RPL26L1: variants seen among roughly 807,000 people sequenced by gnomAD.
RPL26L1 encodes ribosomal protein L26 like 1, also known as ribosomal protein uL24-like.
Under a neutral mutation model 15.2 loss-of-function variants are expected in RPL26L1, and 8 were observed. That is an observed-to-expected ratio of 0.53 (90% CI 0.31 to 0.95). RPL26L1 has a LOEUF of 0.95. Ranked by LOEUF, RPL26L1 falls within the 40% of genes least tolerant of loss-of-function variation. The pLI, the probability that RPL26L1 is intolerant of heterozygous loss-of-function variation, is 0.05. For synonymous variants in RPL26L1, 51 were observed against 65.9 expected, an observed-to-expected ratio of 0.77 and a Z score of 1.09; for missense variants, 146 against 190.9, an observed-to-expected ratio of 0.76 and a Z score of 1.39.
intron 2 of RPL26L1, among the ~76,000 whole-genome samples, chr5:172,966,298 C>T (rs1755446829): frequency 7.0e-6 from 1 of 143,880 alleles, no homozygotes; most frequent in Non-Finnish European, 1.5e-5. Flanking sequence ...CGCATGCCAC[C>T]ATGTCTGGCT....
At chr5:172,954,488 G>T (rs1316016389), upstream of RPL26L1, among the ~76,000 whole-genome samples, 7 of 151,600 alleles carry the variant, frequency 4.6e-5, 1 homozygote, top group East Asian at 1.2e-3. Flanking sequence ...GGCGGCGGGG[G>T]GGAAGTGGGG....
upstream of RPL26L1, chr5:172,957,666 G>C (rs1032575751): frequency 5.0e-5 from 11 of 219,246 alleles, no homozygotes; most frequent in Non-Finnish European, 8.4e-5. Context: ...TTGGGGCAGG[G>C]CATGGGTTTG....
At position 172,968,803 on chromosome 5, in the gene RPL26L1, C is replaced by CTTTTTTTTTTTTTTTT. The variant is rs539398008; in HGVS notation, c.309+212_309+227dup. 5.4e-5 allele frequency among the ~76,000 whole-genome samples: 4 copies of CTTTTTTTTTTTTTTTT among 74,366 alleles called. 1 individual carries two copies. The highest frequency in any genetic ancestry group is 9.1e-5 in the Non-Finnish European group (4 of 44,044). 48.8% of individuals were successfully genotyped at this position (74,366 alleles called of 152,430 possible). On this transcript the variant is annotated intron_variant, in intron 3 of 3. Coordinates refer to ENST00000265100, the MANE Select transcript of RPL26L1 (RefSeq NM_016093.4). ...TTGCCTTTCTTGGTGATGGCTGTGT[C>CTTTTTTTTTTTTTTTT]TTTTTTTTTTTTTTTTTTTTTTTGA...
intron 2 of RPL26L1, among the ~76,000 whole-genome samples, chr5:172,966,313 A>ATTTTTTTTTTTTTTTT (rs386405707): frequency 6.3e-5 from 4 of 63,664 alleles, no homozygotes; most frequent in Non-Finnish European, 8.1e-5. Flanking sequence ...CTGGCTAACT[A>ATTTTTTTTTTTTTTTT]TTTTTTTTTT....
intron 2 of RPL26L1, among the ~76,000 whole-genome samples, chr5:172,963,373 CAAAA>C (rs56687905): frequency 2.1e-5 from 3 of 140,200 alleles, no homozygotes; most frequent in Non-Finnish European, 1.5e-5. Flanking sequence ...AACTCGGTCT[CAAAA>C]AAAAAAAAAA....
chr5:172,955,114 T>C (rs1234788955), upstream of RPL26L1: 6 of 392,342 alleles, frequency 1.5e-5, no homozygotes, highest in Middle Eastern at 6.9e-4. Flanking sequence ...AGTTCATAAA[T>C]AGTAGCTGTG....
chr5:172,967,161 A>G lies in RPL26L1; in HGVS notation c.169-1298A>G, dbSNP rs569184962. Among the ~76,000 whole-genome samples the G allele has an allele frequency of 4.8e-5, 7 of 145,968 alleles. No individual in the cohort carries two copies. The South Asian group carries it at 1.0e-3, about 21-fold the overall frequency. On this transcript the variant is annotated intron_variant, in intron 2 of 3. Transcript: ENST00000265100. ...GAACCACCGTGCCCGGCCCCCATGC[A>G]TGGTGTTTAATAAGCTCTTGTGGCT...
At chr5:172,965,628 G>T (rs1420052392) in intron 2 of RPL26L1, among the ~76,000 whole-genome samples, 1 of 152,206 alleles carries the variant, frequency 6.6e-6, no homozygotes, top group Non-Finnish European at 1.5e-5. Flanking sequence ...CAGTCCCACA[G>T]AATTTGACAT....
At chr5:172,959,748 C>G in intron 1 of RPL26L1, 117 bp from the exon 2 acceptor site, 2 of 1,269,302 alleles carry the variant, frequency 1.6e-6, no homozygotes, top group Non-Finnish European at 2.2e-6. Context: ...GTTGCCTTTT[C>G]AGAGGCTACC....
At chr5:172,959,564 T>C in intron 1 of RPL26L1, 96 bp downstream of exon 1, 1 of 1,187,984 alleles carries the variant, frequency 8.4e-7, no homozygotes, top group Non-Finnish European at 1.1e-6. Flanking sequence ...CCCACAGCTC[T>C]CTTTGAGTGA....
chr5:172,956,530 A>G (rs985719139), upstream of RPL26L1, among the ~76,000 whole-genome samples: 2 of 152,230 alleles, frequency 1.3e-5, no homozygotes, highest in African/African-American at 4.8e-5. Context: ...AATGCCTGAC[A>G]GTAAATGCTC....
At chr5:172,956,483 G>A (rs577024840), upstream of RPL26L1, among the ~76,000 whole-genome samples, 74 of 152,282 alleles carry the variant, frequency 4.9e-4, no homozygotes, top group African/African-American at 1.6e-3. Flanking sequence ...TTATTTAACG[G>A]ACTGAAATGA....
At chr5:172,955,060 G>A (rs1256036198), upstream of RPL26L1, 1 of 455,750 alleles carries the variant, frequency 2.2e-6, no homozygotes, top group East Asian at 7.0e-5. Context: ...GTGAAACCTG[G>A]GAAGAGGGGG....
rs1755287512 is a variant in RPL26L1, at chr5:172,962,746, G to A, written c.168+2705G>A. On this transcript the variant is annotated intron_variant, in intron 2 of 3. Transcript: ENST00000265100. ...CAGGAGAATGGCGTGAACCCGGGAG[G>A]GGGAGCTTCCAATGAGCCAAGATCA... Among the ~76,000 whole-genome samples the A allele has an allele frequency of 3.3e-5, 5 of 150,420 alleles. No individual in the cohort carries two copies. The South Asian group carries it at 1.1e-3, about 32-fold the overall frequency.
At chr5:172,959,506 T>TA in intron 1 of RPL26L1, 38 bp downstream of exon 1, 1 of 1,075,974 alleles carries the variant, frequency 9.3e-7, no homozygotes, top group Non-Finnish European at 1.1e-6. Context: ...CAGTGAACTC[T>TA]ACCGCCCCGT....
At chr5:172,955,687 G>C (rs544800516), upstream of RPL26L1, 1 of 152,204 alleles carries the variant, frequency 6.6e-6, no homozygotes, top group Non-Finnish European at 1.5e-5. Flanking sequence ...ATGAGGTCAC[G>C]CACTTCATTC....
upstream of RPL26L1, chr5:172,954,919 G>T (rs757145382): frequency 4.4e-6 from 2 of 456,064 alleles, no homozygotes; most frequent in Non-Finnish European, 8.8e-6. Flanking sequence ...CCAGGGGTGC[G>T]TGACAGGTTG....
At chr5:172,959,364 C>T (rs151083493), upstream of RPL26L1, 1,533 of 1,003,166 alleles carry the variant, frequency 1.5e-3, 27 homozygotes, top group South Asian at 0.031. Context: ...CGCCATTCGA[C>T]TTCGCTCCTA....
At chr5:172,968,662 T>G in intron 3 of RPL26L1, 63 bp downstream of exon 3, 2 of 1,599,310 alleles carry the variant, frequency 1.3e-6, no homozygotes, top group East Asian at 2.2e-5. Context: ...TCAAAGTTAT[T>G]GGTGTTTTGG....
Sources: gnomAD v4.1 joint callset for allele counts (sites outside exome capture counted in the v4.1 genomes callset) on GRCh38, gnomAD v4.1.1 for gene constraint, MANE v1.5 for transcripts, NCBI Gene and HGNC (gene_info 2026-07-23, HGNC 2026-07-21) for gene names.